Variants in ULK4 observed in about 807,000 individuals in gnomAD.
ULK4 encodes the protein inactive serine/threonine-protein kinase ULK4.
Under a neutral mutation model 160.6 loss-of-function variants are expected in ULK4, and 133 were observed. The ratio of observed to expected loss-of-function variants is 0.83; its 90% CI spans 0.72 to 0.96. The LOEUF (loss-of-function observed/expected upper bound fraction) is 0.96. Ranked by LOEUF, ULK4 falls within the 40% of genes least tolerant of loss-of-function variation. The pLI, the probability that ULK4 is intolerant of heterozygous loss-of-function variation, is 0.00. For missense variants in ULK4, 1,580 were observed against 1,499.5 expected (o/e 1.05, Z -0.89); for synonymous variants, 534 against 539.8 (o/e 0.99, Z 0.15).
At chr3:41,527,610 T>C (rs977262289) in intron 32 of ULK4, among the ~76,000 whole-genome samples, 3 of 152,238 alleles carry the variant, frequency 2.0e-5, no homozygotes, top group Non-Finnish European at 4.4e-5. Flanking sequence ...CAATGTAATG[T>C]TGTCCACCTA....
intron 3 of ULK4, chr3:41,937,190 A>G (rs981675164): frequency 2.2e-6 from 1 of 463,680 alleles, no homozygotes; most frequent in South Asian, 4.7e-5. Context: ...GGTGACGTGC[A>G]GTTACAAACG....
At chr3:41,883,740 C>A in intron 17 of ULK4, 134 bp downstream of exon 17, 1 of 815,378 alleles carries the variant, frequency 1.2e-6, no homozygotes, top group East Asian at 2.6e-5. Context: ...GTTGAGGTAA[C>A]AGTTTTAGAA....
chr3:41,738,175 A>G (rs2038119891), intron 22 of ULK4, among the ~76,000 whole-genome samples: 1 of 152,016 alleles, frequency 6.6e-6, no homozygotes, highest in Non-Finnish European at 1.5e-5. Context: ...CCTATGCAAC[A>G]TCTTAGAATA....
chr3:41,351,485 A>C (rs1463600086), intron 35 of ULK4, among the ~76,000 whole-genome samples: 1 of 152,242 alleles, frequency 6.6e-6, no homozygotes, highest in African/African-American at 2.4e-5. Context: ...TCTCCAGAGT[A>C]CATTCTGAAA....
At chr3:41,514,164 T>C (rs1394248085) in intron 32 of ULK4, among the ~76,000 whole-genome samples, 1 of 152,130 alleles carries the variant, frequency 6.6e-6, no homozygotes, top group Non-Finnish European at 1.5e-5. Flanking sequence ...AAGAGGTAGA[T>C]TTTGCTTGAA....
intron 31 of ULK4, among the ~76,000 whole-genome samples, chr3:41,610,414 T>C (rs186911157): frequency 6.5e-4 from 99 of 152,358 alleles, no homozygotes; most frequent in Admixed American, 2.0e-3. Flanking sequence ...TGTAGATTCT[T>C]AAAATAAGGA....
intron 32 of ULK4, among the ~76,000 whole-genome samples, chr3:41,494,569 G>A (rs914568312): frequency 2.6e-5 from 4 of 151,974 alleles, no homozygotes; most frequent in Admixed American, 6.6e-5. Flanking sequence ...AGTGTTGGAA[G>A]TTCTGGCCAG....
chr3:41,927,754 A>C (rs1365774784), intron 5 of ULK4, among the ~76,000 whole-genome samples: 1 of 152,070 alleles, frequency 6.6e-6, no homozygotes, highest in East Asian at 1.9e-4. Flanking sequence ...CAAAAGAAAC[A>C]AAGAAGGCCA....
At chr3:41,567,808 G>A (rs555789389) in intron 31 of ULK4, among the ~76,000 whole-genome samples, 1 of 152,150 alleles carries the variant, frequency 6.6e-6, no homozygotes, top group African/African-American at 2.4e-5. Flanking sequence ...AAGCCTCTTG[G>A]TATCTCTTAA....
In ULK4 at chr3:41,302,593, C is replaced by T. The variant is rs1471333527; in HGVS notation, c.3679-53019G>A. Among the ~76,000 whole-genome samples, 4 of 152,328 alleles carry T rather than the reference C, an allele frequency of 2.6e-5. No homozygotes were observed. The East Asian group carries it at 7.7e-4, about 29-fold the overall frequency. The stretch of plus-strand genomic sequence containing the variant: ...AATGAGCCATTTATTTAACTATCCG[C>T]AAAGTTCTTCAAATATTTACAATAT... On this transcript the variant is annotated intron_variant, in intron 35 of 36. Transcript: ENST00000301831.
At chr3:41,626,660 G>A (rs2033524945) in intron 30 of ULK4, among the ~76,000 whole-genome samples, 1 of 151,948 alleles carries the variant, frequency 6.6e-6, no homozygotes, top group Non-Finnish European at 1.5e-5. Flanking sequence ...GAGTAGCTAG[G>A]ACTACAGGCG....
chr3:41,546,667 T>G (rs2086872495), intron 32 of ULK4, among the ~76,000 whole-genome samples: 1 of 151,552 alleles, frequency 6.6e-6, no homozygotes, highest in Non-Finnish European at 1.5e-5. Context: ...TCTGCCCTGT[T>G]AATCCTCACT....
intron 31 of ULK4, among the ~76,000 whole-genome samples, chr3:41,610,369 G>A: frequency 6.6e-6 from 1 of 151,996 alleles, no homozygotes; most frequent in East Asian, 1.9e-4. Context: ...CATGTGCATA[G>A]CAAAATTTTG....
rs1303583840 is a variant in ULK4, at chr3:41,572,624, G to C, written c.3121-6494C>G. On this transcript the variant is annotated intron_variant, in intron 31 of 36. Transcript: ENST00000301831. Reference sequence around the variant, plus strand: ...AAATACAAAAAAAAAAAATTGGCCCGTCATGGTGGCGGGTGCCTGTAGTCC... The same window carrying C: ...AAATACAAAAAAAAAAAATTGGCCCCTCATGGTGGCGGGTGCCTGTAGTCC... 3.3e-5 allele frequency among the ~76,000 whole-genome samples: 5 copies of C among 149,832 alleles called. No individual in the cohort carries two copies. In the East Asian group the frequency reaches 7.8e-4, roughly 23 times the overall value.
At chr3:41,535,480 A>G (rs1255154449) in intron 32 of ULK4, among the ~76,000 whole-genome samples, 1 of 152,222 alleles carries the variant, frequency 6.6e-6, no homozygotes, top group African/African-American at 2.4e-5. Context: ...TATAGTATCC[A>G]TATTAGAAAT....
intron 32 of ULK4, among the ~76,000 whole-genome samples, chr3:41,520,423 T>C (rs774152783): frequency 8.5e-5 from 13 of 152,270 alleles, no homozygotes; most frequent in Non-Finnish European, 1.2e-4. Flanking sequence ...ATTATTTCAC[T>C]GTATGCATAT....
intron 13 of ULK4, 62 bp from the exon 14 acceptor site, chr3:41,898,554 A>G: frequency 9.9e-7 from 1 of 1,012,452 alleles, no homozygotes; most frequent in East Asian, 2.4e-5. Flanking sequence ...CTGTCTCCTT[A>G]TATGTCCCTT....
At chr3:41,934,892 C>T (rs918250606) in intron 4 of ULK4, among the ~76,000 whole-genome samples, 3 of 151,878 alleles carry the variant, frequency 2.0e-5, no homozygotes, top group Non-Finnish European at 4.4e-5. Context: ...ATATTGGGTT[C>T]ATCATTTACA....
At chr3:41,575,093 G>A (rs2088141711) in intron 31 of ULK4, among the ~76,000 whole-genome samples, 1 of 152,156 alleles carries the variant, frequency 6.6e-6, no homozygotes, top group African/African-American at 2.4e-5. Context: ...ATTATGATGT[G>A]GGAAACATTC....
Sources: allele counts gnomAD v4.1 joint callset (sites outside exome capture counted in the v4.1 genomes callset), GRCh38; gene constraint gnomAD v4.1.1; transcripts MANE v1.5; gene names NCBI Gene and HGNC (gene_info 2026-07-23, HGNC 2026-07-21).